Variants in CCDC73 observed in about 807,000 individuals in gnomAD.
CCDC73 encodes coiled-coil domain-containing protein 73.
CCDC73 carries 95 observed loss-of-function variants against 116.5 expected under a neutral mutation model. The observed-to-expected ratio is 0.82, with a 90% CI of 0.69 to 0.97. CCDC73 has a LOEUF of 0.97. Ranked by LOEUF, CCDC73 falls within the 50% of genes least tolerant of loss-of-function variation. The pLI, the probability that CCDC73 is intolerant of heterozygous loss-of-function variation, is 0.00. For missense variants in CCDC73, 1,066 were observed against 1,206.8 expected (o/e 0.88, Z 1.73); for synonymous variants, 398 against 401.3 (o/e 0.99, Z 0.10).
intron 1 of CCDC73, among the ~76,000 whole-genome samples, chr11:32,772,842 T>C (rs191217077): frequency 6.6e-6 from 1 of 152,264 alleles, no homozygotes; most frequent in East Asian, 1.9e-4. Flanking sequence ...GGAACCTTCA[T>C]AAACTGCTGG....
At chr11:32,802,855 C>T in the CCDC73 span, among the ~76,000 whole-genome samples, 3 of 151,804 alleles carry the variant, frequency 2.0e-5, no homozygotes, top group Non-Finnish European at 2.9e-5. Flanking sequence ...CAGGTTCAAG[C>T]AATTCTCATG....
intron 9 of CCDC73, among the ~76,000 whole-genome samples, chr11:32,668,606 G>A (rs982537732): frequency 1.3e-5 from 2 of 152,136 alleles, no homozygotes; most frequent in African/African-American, 4.8e-5. Flanking sequence ...ATGACACAAA[G>A]GTTCATGGTC....
intron 13 of CCDC73, among the ~76,000 whole-genome samples, chr11:32,639,100 A>T (rs1855708049): frequency 6.6e-6 from 1 of 151,270 alleles, no homozygotes. Flanking sequence ...GTGAGCCGAG[A>T]TCGCACCACT....
At chr11:32,746,332 A>G (rs945021068) in intron 2 of CCDC73, among the ~76,000 whole-genome samples, 30 of 152,230 alleles carry the variant, frequency 2.0e-4, no homozygotes, top group South Asian at 1.2e-3. Flanking sequence ...TGGGTAACCC[A>G]ACCTTTCTTT....
At chr11:32,739,888 T>C (rs1447239087) in intron 2 of CCDC73, among the ~76,000 whole-genome samples, 3 of 151,506 alleles carry the variant, frequency 2.0e-5, no homozygotes, top group Non-Finnish European at 4.4e-5. Flanking sequence ...GGTTTTTAAT[T>C]ATGAAGGGAC....
At chr11:32,816,484 AG>A in the CCDC73 span, among the ~76,000 whole-genome samples, 162 of 152,344 alleles carry the variant, frequency 1.1e-3, no homozygotes, top group African/African-American at 3.7e-3. Flanking sequence ...AAGAGAAACC[AG>A]CTTTTTAAAA....
chr11:32,697,437 G>T (rs1383054846), intron 6 of CCDC73, among the ~76,000 whole-genome samples: 2 of 148,562 alleles, frequency 1.3e-5, no homozygotes, highest in African/African-American at 5.0e-5. Flanking sequence ...AGGATCCAAT[G>T]AAAGTTCACA....
intron 17 of CCDC73, chr11:32,606,324 TA>T (rs1198218288): frequency 3.3e-5 from 5 of 152,214 alleles, no homozygotes; most frequent in Non-Finnish European, 7.3e-5. Context: ...AGTGCCAGAG[TA>T]AATATTTTCA....
At chr11:32,699,772 C>T (rs943769151) in intron 5 of CCDC73, among the ~76,000 whole-genome samples, 2 of 151,822 alleles carry the variant, frequency 1.3e-5, no homozygotes, top group Non-Finnish European at 2.9e-5. Flanking sequence ...GGAGATATAC[C>T]TAATGTTAAT....
intron 6 of CCDC73, among the ~76,000 whole-genome samples, chr11:32,695,485 T>G (rs1016577723): frequency 6.6e-5 from 10 of 152,162 alleles, no homozygotes; most frequent in African/African-American, 2.4e-4. Flanking sequence ...AATTTAACAT[T>G]TGGTGCTCTG....
intron 2 of CCDC73, among the ~76,000 whole-genome samples, chr11:32,736,435 G>A (rs1850129625): frequency 6.6e-6 from 1 of 152,170 alleles, no homozygotes; most frequent in Admixed American, 6.5e-5. Flanking sequence ...GGCCATCAGA[G>A]AAATGCAAAT....
chr11:32,779,498 T>C (rs1052109109), intron 1 of CCDC73, among the ~76,000 whole-genome samples: 3 of 152,206 alleles, frequency 2.0e-5, no homozygotes, highest in African/African-American at 7.2e-5. Context: ...TACCTCAATA[T>C]TGGCTACATT....
the CCDC73 span, among the ~76,000 whole-genome samples, chr11:32,803,561 T>C: frequency 1.3e-5 from 2 of 152,200 alleles, no homozygotes; most frequent in Non-Finnish European, 2.9e-5. Context: ...TTTATACCTT[T>C]AGCTTGACTA....
At chr11:32,784,916 G>A (rs956378972) in intron 1 of CCDC73, among the ~76,000 whole-genome samples, 4 of 152,204 alleles carry the variant, frequency 2.6e-5, no homozygotes, top group East Asian at 1.9e-4. Flanking sequence ...GCTCATGCCT[G>A]TAATCCCAGC....
intron 13 of CCDC73, among the ~76,000 whole-genome samples, chr11:32,639,861 A>G (rs1855716903): frequency 6.6e-6 from 1 of 152,254 alleles, no homozygotes; most frequent in Non-Finnish European, 1.5e-5. Context: ...ATAAAAAGAT[A>G]TACATAACAT....
chr11:32,794,865 G>C (rs1018953481), upstream of CCDC73, among the ~76,000 whole-genome samples: 2 of 117,822 alleles, frequency 1.7e-5, no homozygotes, highest in Admixed American at 2.1e-4. Flanking sequence ...TTTTCGGTTT[G>C]TTTTTGGTTT....
chr11:32,648,004 T>TC (rs1420326598), intron 12 of CCDC73, among the ~76,000 whole-genome samples: 2 of 151,884 alleles, frequency 1.3e-5, no homozygotes, highest in Non-Finnish European at 2.9e-5. Context: ...TAGATCCCCT[T>TC]CCCCCCAAAC....
At chr11:32,799,013 G>A (rs1425940376), upstream of CCDC73, among the ~76,000 whole-genome samples, 1 of 151,158 alleles carries the variant, frequency 6.6e-6, no homozygotes, top group Non-Finnish European at 1.5e-5. Context: ...GGTCTCAAGC[G>A]ATCCTCCCTC....
chr11:32,828,836 T>G, the CCDC73 span, among the ~76,000 whole-genome samples: 2 of 152,252 alleles, frequency 1.3e-5, no homozygotes, highest in Admixed American at 6.5e-5. Context: ...TTCAAAATAT[T>G]ATTTGAAATC....
Sources: allele counts gnomAD v4.1 joint callset (sites outside exome capture counted in the v4.1 genomes callset), GRCh38; gene constraint gnomAD v4.1.1; transcripts MANE v1.5; gene names NCBI Gene and HGNC (gene_info 2026-07-23, HGNC 2026-07-21).